Variants in ELMOD1 observed in about 807,000 individuals in gnomAD.
ELMOD1 encodes ELMO domain containing 1.
A neutral mutation model predicts 46.7 loss-of-function variants in ELMOD1; 21 were observed. That is an observed-to-expected ratio of 0.45 (90% CI 0.32 to 0.65). The LOEUF is 0.65. Among genes scored for constraint, ELMOD1 ranks in the 30% least tolerant of loss-of-function variants. The pLI is 0.04. For missense variants in ELMOD1, 348 were observed against 407.8 expected (o/e 0.85, Z 1.26); for synonymous variants, 122 against 138.2 (o/e 0.88, Z 0.82).
chr11:107,615,915 A>G (rs1865854816), intron 1 of ELMOD1, among the ~76,000 whole-genome samples: 1 of 150,658 alleles, frequency 6.6e-6, no homozygotes, highest in Non-Finnish European at 1.5e-5. Flanking sequence ...GTTACATGCT[A>G]TCAACATGAC....
At chr11:107,650,446 G>A in intron 8 of ELMOD1, 43 bp downstream of exon 8, 3 of 1,357,722 alleles carry the variant, frequency 2.2e-6, no homozygotes, top group Non-Finnish European at 3.1e-6. Flanking sequence ...TTATGGGTTA[G>A]ATCAAATGAA....
chr11:107,629,693 G>C (rs140853523), intron 2 of ELMOD1, among the ~76,000 whole-genome samples: 19 of 152,268 alleles, frequency 1.2e-4, no homozygotes, highest in African/African-American at 4.3e-4. Context: ...TCTTTAGCAA[G>C]AGCCAAGAAC....
chr11:107,654,286 G>C (rs1356691055), intron 10 of ELMOD1, 64 bp downstream of exon 10: 2 of 1,400,652 alleles, frequency 1.4e-6, no homozygotes, highest in Non-Finnish European at 2.0e-6. Flanking sequence ...TAGAACTAGA[G>C]TATCATGAAA....
rs10539761 is a variant in ELMOD1, at chr11:107,631,397, A to ACCCC, written c.193-175_193-172dup. ...TTAAAGTTATCAGGAAAATTGCACT[A>ACCCC]CCCCCCCCCCCATCGTGAAAATGTC... On this transcript the variant is annotated intron_variant, in intron 4 of 11. Coordinates refer to ENST00000265840, the MANE Select transcript of ELMOD1 (RefSeq NM_018712.4). 1.9e-4 allele frequency among the ~76,000 whole-genome samples: 25 copies of ACCCC among 133,848 alleles called. 1 individual carries two copies. Among genetic ancestry groups the ACCCC allele is most frequent in the East Asian group, 7.4e-4 (3 of 4,052 alleles). 87.8% of individuals were successfully genotyped at this position (133,848 alleles called of 152,430 possible). A position where few individuals can be genotyped will look rare whatever the true frequency, so the allele number is the denominator to read the frequency against.
At chr11:107,611,892 G>A (rs1195372861) in intron 1 of ELMOD1, among the ~76,000 whole-genome samples, 2 of 152,110 alleles carry the variant, frequency 1.3e-5, no homozygotes, top group Non-Finnish European at 2.9e-5. Flanking sequence ...AAGGCTGGGA[G>A]AAAAGGGAAT....
chr11:107,646,724 G>T (rs2135705664), intron 6 of ELMOD1, among the ~76,000 whole-genome samples: 1 of 151,446 alleles, frequency 6.6e-6, no homozygotes, highest in Middle Eastern at 3.5e-3. Context: ...AACAGAGTAA[G>T]AGTCCGTCTC....
At chr11:107,629,279 T>G (rs2135686217) in intron 2 of ELMOD1, among the ~76,000 whole-genome samples, 1 of 152,326 alleles carries the variant, frequency 6.6e-6, no homozygotes, top group East Asian at 1.9e-4. Context: ...AGGCTACTAG[T>G]TAACTACTCC....
At chr11:107,646,398 CATG>C (rs1159821873) in intron 6 of ELMOD1, among the ~76,000 whole-genome samples, 1 of 152,148 alleles carries the variant, frequency 6.6e-6, no homozygotes, top group African/African-American at 2.4e-5. Context: ...CCTCCAGCTA[CATG>C]ATAATGTTTA....
chr11:107,610,835 A>C (rs1865765006), intron 1 of ELMOD1, among the ~76,000 whole-genome samples: 1 of 152,016 alleles, frequency 6.6e-6, no homozygotes, highest in East Asian at 1.9e-4. Flanking sequence ...GTGAACTTAA[A>C]TTCTTCCTAT....
chr11:107,620,731 G>A (rs113570327), intron 2 of ELMOD1, among the ~76,000 whole-genome samples: 4,884 of 152,318 alleles, frequency 0.032, 99 homozygotes, highest in Middle Eastern at 0.048. Flanking sequence ...GGGTGTGGTG[G>A]CACATGCCTG....
chr11:107,618,111 C>T lies in ELMOD1; in HGVS notation c.-79C>T, dbSNP rs2135673681. Reference sequence around the variant, plus strand: ...ATCTAATTTCTTCCCACAGTTGACACTTACTTTGACAAAGGCAAATTTGGA... The same window carrying T: ...ATCTAATTTCTTCCCACAGTTGACATTTACTTTGACAAAGGCAAATTTGGA... On this transcript the variant is annotated 5_prime_UTR_variant, in exon 2 of 12. Transcript: ENST00000265840. The T allele has an allele frequency of 6.8e-7, 1 of 1,474,452 alleles. No homozygotes were observed. Among genetic ancestry groups the T allele is most frequent in the African/African-American group, 1.4e-5 (1 of 71,538 alleles). 91.3% of individuals were successfully genotyped at this position (1,474,452 alleles called of 1,614,324 possible).
intron 11 of ELMOD1, among the ~76,000 whole-genome samples, chr11:107,664,555 C>T (rs1041890283): frequency 6.6e-6 from 1 of 152,116 alleles, no homozygotes; most frequent in Non-Finnish European, 1.5e-5. Flanking sequence ...TTTATTGTCT[C>T]ATAATAGAGT....
intron 1 of ELMOD1, among the ~76,000 whole-genome samples, chr11:107,609,545 C>A (rs1221844670): frequency 6.6e-6 from 1 of 152,062 alleles, no homozygotes; most frequent in African/African-American, 2.4e-5. Context: ...ATAGAGAGAT[C>A]GACTTCTAAG....
intron 11 of ELMOD1, among the ~76,000 whole-genome samples, chr11:107,658,349 T>C (rs1397676719): frequency 6.6e-6 from 1 of 152,212 alleles, no homozygotes; most frequent in Non-Finnish European, 1.5e-5. Flanking sequence ...TAAACACATA[T>C]ACTTTACAAC....
chr11:107,635,839 C>A, intron 6 of ELMOD1, 74 bp downstream of exon 6: 2 of 1,483,010 alleles, frequency 1.3e-6, no homozygotes, highest in Admixed American at 2.1e-5. Flanking sequence ...ATGTGCTAGG[C>A]GCTGCTCTGG....
Position 107,665,305 on chromosome 11 carries a change from A to G in ELMOD1, c.*108A>G. ...TTGAATGCACACAGTGATTGTATGC[A>G]TGCCTTTTGGTACAGTGTTTTCATC... is the stretch of plus-strand genomic sequence containing the variant. On this transcript the variant is annotated 3_prime_UTR_variant, in exon 12 of 12. Transcript: ENST00000265840. 1.8e-6 allele frequency: 2 copies of G among 1,133,706 alleles called. No homozygotes were observed. The highest frequency in any genetic ancestry group is 2.5e-6 in the Non-Finnish European group (2 of 786,700). The allele number at this position is 1,133,706 out of a possible 1,614,324, so 70.2% of individuals were successfully genotyped here. A position where few individuals can be genotyped will look rare whatever the true frequency, so the allele number is the denominator to read the frequency against.
chr11:107,637,406 A>T (rs771009793), intron 6 of ELMOD1, among the ~76,000 whole-genome samples: 8 of 152,076 alleles, frequency 5.3e-5, no homozygotes, highest in Non-Finnish European at 1.2e-4. Context: ...AAAATCACTA[A>T]ATCTGGCCAG....
At chr11:107,611,606 G>A (rs1465523996) in intron 1 of ELMOD1, among the ~76,000 whole-genome samples, 1 of 149,660 alleles carries the variant, frequency 6.7e-6, no homozygotes, top group Non-Finnish European at 1.5e-5. Flanking sequence ...TCTGGAGGCT[G>A]AAGCAGGAGA....
chr11:107,642,950 A>G, intron 6 of ELMOD1: 1 of 331,506 alleles, frequency 3.0e-6, no homozygotes, highest in Non-Finnish European at 6.0e-6. Context: ...CAATCAGGTT[A>G]TCCTTGGACA....
Sources: allele counts gnomAD v4.1 joint callset (sites outside exome capture counted in the v4.1 genomes callset), GRCh38; gene constraint gnomAD v4.1.1; transcripts MANE v1.5; gene names NCBI Gene and HGNC (gene_info 2026-07-23, HGNC 2026-07-21).